Variants in ITGA9 observed in about 807,000 individuals in gnomAD.
ITGA9 encodes integrin subunit alpha 9.
ITGA9 carries 56 observed loss-of-function variants against 127.8 expected under a neutral mutation model. The observed-to-expected ratio is 0.44, with a 90% CI of 0.35 to 0.55. The LOEUF (loss-of-function observed/expected upper bound fraction) is 0.55. Ranked by LOEUF, ITGA9 falls within the 20% of genes least tolerant of loss-of-function variation. The pLI is 0.00. For synonymous variants in ITGA9, 508 were observed against 514.5 expected (o/e 0.99, Z 0.17); for missense variants, 1,196 against 1,347.1 (o/e 0.89, Z 1.76).
chr3:37,558,291 A>T (rs1225883995), intron 15 of ITGA9, among the ~76,000 whole-genome samples: 1 of 152,164 alleles, frequency 6.6e-6, no homozygotes, highest in Non-Finnish European at 1.5e-5. Context: ...CCATGCCTTC[A>T]GCCCACCAGC....
At chr3:37,786,892 G>A (rs912019253) in intron 26 of ITGA9, among the ~76,000 whole-genome samples, 1 of 152,202 alleles carries the variant, frequency 6.6e-6, no homozygotes, top group South Asian at 2.1e-4. Flanking sequence ...TGTCACCCAG[G>A]CTGGAGTGCA....
intron 15 of ITGA9, among the ~76,000 whole-genome samples, chr3:37,547,471 C>G (rs267536): frequency 0.47 from 71,756 of 151,988 alleles, 17,471 homozygotes; most frequent in East Asian, 0.72. Context: ...AACAAAATGC[C>G]TTGGGACCAT....
At chr3:37,476,171 A>T (rs1237897130) in intron 3 of ITGA9, among the ~76,000 whole-genome samples, 1 of 152,200 alleles carries the variant, frequency 6.6e-6, no homozygotes, top group Non-Finnish European at 1.5e-5. Flanking sequence ...TATCTCTTTG[A>T]GATCTTGTTT....
intron 18 of ITGA9, among the ~76,000 whole-genome samples, chr3:37,695,881 T>A (rs1236763932): frequency 2.0e-5 from 3 of 152,392 alleles, no homozygotes; most frequent in African/African-American, 7.2e-5. Context: ...AGTATGCACC[T>A]GTGTGGTACC....
intron 16 of ITGA9, among the ~76,000 whole-genome samples, chr3:37,639,964 AG>A (rs1700316572): frequency 6.6e-6 from 1 of 152,126 alleles, no homozygotes; most frequent in African/African-American, 2.4e-5. Context: ...GTGATGACAG[AG>A]GCCCTGTCTT....
chr3:37,528,160 A>G (rs267512), intron 13 of ITGA9, among the ~76,000 whole-genome samples: 58,158 of 151,972 alleles, frequency 0.38, 13,040 homozygotes, highest in East Asian at 0.72. Flanking sequence ...TCATTCTTGT[A>G]TTTTTTAATC....
intron 1 of ITGA9, among the ~76,000 whole-genome samples, chr3:37,459,087 T>C (rs1188882329): frequency 6.6e-6 from 1 of 152,244 alleles, no homozygotes; most frequent in African/African-American, 2.4e-5. Flanking sequence ...GGTCCACCAA[T>C]GTCTGTTCTG....
rs2125533322 is a variant in ITGA9, at chr3:37,741,669, A to C, written c.2235-61A>C. On this transcript the variant is annotated intron_variant, in intron 20 of 27. Transcript: ENST00000264741. ...ATTCAACTCTAAAGTGGAACAGAGA[A>C]AGCCCACTGCTGGACAGCTAGTGTT... 31 of 1,295,360 alleles carry C rather than the reference A, an allele frequency of 2.4e-5. No individual in the cohort carries two copies. The South Asian group carries it at 3.9e-4, about 16-fold the overall frequency. The allele number at this position is 1,295,360 out of a possible 1,614,324, so 80.2% of individuals were successfully genotyped here. A position where few individuals can be genotyped will look rare whatever the true frequency, so the allele number is the denominator to read the frequency against.
chr3:37,659,308 A>G (rs1463548514), intron 17 of ITGA9, among the ~76,000 whole-genome samples: 1 of 152,100 alleles, frequency 6.6e-6, no homozygotes, highest in Non-Finnish European at 1.5e-5. Context: ...TCACTTTCAG[A>G]TACACCAATC....
At chr3:37,485,951 G>T (rs407930) in intron 4 of ITGA9, among the ~76,000 whole-genome samples, 70,272 of 152,076 alleles carry the variant, frequency 0.46, 16,319 homozygotes, top group East Asian at 0.51. Flanking sequence ...GAAAACGAGA[G>T]CTTTGGTGGG....
intron 18 of ITGA9, among the ~76,000 whole-genome samples, chr3:37,699,712 C>G (rs886882676): frequency 3.9e-5 from 6 of 152,196 alleles, no homozygotes; most frequent in Non-Finnish European, 8.8e-5. Flanking sequence ...AGATCTGACC[C>G]CGTTGCTGCC....
At chr3:37,508,527 C>T (rs1698868624) in intron 7 of ITGA9, 32 bp from the exon 8 acceptor site, 1 of 1,558,306 alleles carries the variant, frequency 6.4e-7, no homozygotes, top group Non-Finnish European at 8.8e-7. Context: ...TTGATTTCAT[C>T]CTAACTAGAT....
chr3:37,766,344 T>C (rs1310053216), intron 23 of ITGA9, among the ~76,000 whole-genome samples: 1 of 152,246 alleles, frequency 6.6e-6, no homozygotes, highest in African/African-American at 2.4e-5. Context: ...TCTAAACTTA[T>C]GACCTAAAGC....
At chr3:37,611,748 G>A (rs980668506) in intron 15 of ITGA9, among the ~76,000 whole-genome samples, 2 of 152,024 alleles carry the variant, frequency 1.3e-5, no homozygotes, top group South Asian at 2.1e-4. Flanking sequence ...TAAGGTCTAG[G>A]GGAAGCTTCT....
At chr3:37,487,196 G>C (rs1698618537) in intron 4 of ITGA9, among the ~76,000 whole-genome samples, 1 of 151,942 alleles carries the variant, frequency 6.6e-6, no homozygotes, top group Non-Finnish European at 1.5e-5. Flanking sequence ...CATTTACATA[G>C]GATTTTATGG....
chr3:37,718,434 G>A (rs1701156556), intron 18 of ITGA9, among the ~76,000 whole-genome samples: 1 of 152,118 alleles, frequency 6.6e-6, no homozygotes. Flanking sequence ...TAATACCAGG[G>A]TTCCTCAGTC....
At chr3:37,807,302 A>G (rs1393392223) in intron 27 of ITGA9, 1 of 152,248 alleles carries the variant, frequency 6.6e-6, no homozygotes, top group Non-Finnish European at 1.5e-5. Context: ...CTTAGCACAC[A>G]GAAGCCAGGG....
chr3:37,690,222 G>A (rs1303640568), intron 18 of ITGA9, among the ~76,000 whole-genome samples: 4 of 152,176 alleles, frequency 2.6e-5, no homozygotes, highest in African/African-American at 9.7e-5. Context: ...GTTGGAGCAG[G>A]GATGAGAGGG....
At chr3:37,541,389 C>T (rs9825171) in intron 14 of ITGA9, among the ~76,000 whole-genome samples, 6,141 of 152,206 alleles carry the variant, frequency 0.04, 403 homozygotes, top group African/African-American at 0.14. Context: ...AGGGGATGAC[C>T]TCTGGCACAG....
Sources: allele counts gnomAD v4.1 joint callset (sites outside exome capture counted in the v4.1 genomes callset), GRCh38; gene constraint gnomAD v4.1.1; transcripts MANE v1.5; gene names NCBI Gene and HGNC (gene_info 2026-07-23, HGNC 2026-07-21).